NTM: variants seen among roughly 807,000 people sequenced by gnomAD.
NTM encodes IgLON family member 2.
In NTM, 13 loss-of-function variants were observed where a neutral mutation model predicts 42.1. That is an observed-to-expected ratio of 0.31 (90% CI 0.20 to 0.49). The LOEUF (loss-of-function observed/expected upper bound fraction) is 0.49. Among genes scored for constraint, NTM ranks in the 20% least tolerant of loss-of-function variants. The pLI is 0.99. For missense variants in NTM, 373 were observed against 452.8 expected (o/e 0.82, Z 1.60); for synonymous variants, 187 against 179.2 (o/e 1.04, Z -0.35).
intron 7 of NTM, among the ~76,000 whole-genome samples, chr11:132,319,209 G>GATTTCTGC (rs1355631678): frequency 6.6e-6 from 1 of 152,188 alleles, no homozygotes; most frequent in African/African-American, 2.4e-5. Flanking sequence ...AAAGACAGGT[G>GATTTCTGC]ATTTCTGCAT....
rs373724322 is a variant in NTM, at chr11:131,520,123, AG to A, written c.82+149236del. Among the ~76,000 whole-genome samples, 115 of 152,354 alleles carry A rather than the reference AG, an allele frequency of 7.5e-4. 1 individual carries two copies. In the East Asian group the frequency reaches 0.013, roughly 17 times the overall value. ...CTATCGTCGTCAACAGTTGCATTAT[AG>A]AATCTCCAGATAATAAAACATCACA... On this transcript the variant is annotated intron_variant, in intron 1 of 8. Coordinates refer to ENST00000683400, the MANE Select transcript of NTM (RefSeq NM_001352005.2).
At chr11:132,157,685 A>T (rs1036686867) in intron 3 of NTM, among the ~76,000 whole-genome samples, 1 of 152,098 alleles carries the variant, frequency 6.6e-6, no homozygotes, top group African/African-American at 2.4e-5. Flanking sequence ...TTTCTCCACT[A>T]TGTGTCTCAT....
At chr11:131,521,729 C>T (rs2049757721) in intron 1 of NTM, among the ~76,000 whole-genome samples, 5 of 152,212 alleles carry the variant, frequency 3.3e-5, no homozygotes, top group African/African-American at 9.6e-5. Flanking sequence ...CCCTCCCATA[C>T]TGAGGATCAC....
At chr11:131,397,970 G>A (rs1055198852) in intron 1 of NTM, among the ~76,000 whole-genome samples, 2 of 152,198 alleles carry the variant, frequency 1.3e-5, no homozygotes, top group Admixed American at 1.3e-4. Context: ...AGGACTGCAT[G>A]TCAAAAAGCT....
At chr11:132,092,103 C>G (rs146788347) in intron 2 of NTM, among the ~76,000 whole-genome samples, 1 of 152,184 alleles carries the variant, frequency 6.6e-6, no homozygotes, top group Admixed American at 6.5e-5. Flanking sequence ...TTCTCAGTAA[C>G]GCCATTTGAT....
chr11:131,774,043 T>C, intron 1 of NTM: 6 of 984,230 alleles, frequency 6.1e-6, no homozygotes, highest in Non-Finnish European at 7.2e-6. Context: ...CTTGGTGTCA[T>C]TGACTTTGCC....
chr11:131,921,051 G>A (rs555826810), intron 2 of NTM, among the ~76,000 whole-genome samples: 15 of 152,198 alleles, frequency 9.9e-5, no homozygotes, highest in Admixed American at 2.0e-4. Context: ...GAACGCATGC[G>A]AATTATTTTT....
intron 1 of NTM, among the ~76,000 whole-genome samples, chr11:131,790,404 ATGT>A (rs141874346): frequency 0.036 from 5,527 of 152,214 alleles, 342 homozygotes; most frequent in African/African-American, 0.13. Flanking sequence ...GATTCAGGTA[ATGT>A]TGTGAAATTA....
rs148043916 is a variant in NTM, at chr11:132,303,914, C to G, written c.527-3775C>G. 2.5e-3 allele frequency among the ~76,000 whole-genome samples: 384 copies of G among 152,154 alleles called. 2 individuals carry two copies. The highest frequency in any genetic ancestry group is 8.9e-3 in the African/African-American group (368 of 41,518). ...CTCCACGTGTTGTCTTTCACAGCAACCCTAGAAGTAGGTAACGTTATTCTG... is the reference window on the plus strand; with the variant it reads ...CTCCACGTGTTGTCTTTCACAGCAAGCCTAGAAGTAGGTAACGTTATTCTG... On this transcript the variant is annotated intron_variant, in intron 4 of 8. Coordinates refer to ENST00000683400, the MANE Select transcript of NTM (RefSeq NM_001352005.2).
At chr11:131,822,786 C>G (rs2093246474) in intron 1 of NTM, among the ~76,000 whole-genome samples, 1 of 151,990 alleles carries the variant, frequency 6.6e-6, no homozygotes, top group Admixed American at 6.6e-5. Context: ...CTTATGAAAA[C>G]AAAAGTGAGA....
At chr11:131,734,050 C>G (rs2135513418) in intron 1 of NTM, among the ~76,000 whole-genome samples, 1 of 152,290 alleles carries the variant, frequency 6.6e-6, no homozygotes, top group South Asian at 2.1e-4. Flanking sequence ...ACAATAGCAA[C>G]TGATGGCAGA....
At chr11:131,648,048 C>T (rs1255550511) in intron 1 of NTM, among the ~76,000 whole-genome samples, 1 of 152,106 alleles carries the variant, frequency 6.6e-6, no homozygotes, top group Non-Finnish European at 1.5e-5. Context: ...CTGTGGTTCC[C>T]TTCTTTGTGT....
intron 1 of NTM, among the ~76,000 whole-genome samples, chr11:131,529,082 T>G (rs1006983583): frequency 1.3e-5 from 2 of 152,200 alleles, no homozygotes; most frequent in African/African-American, 2.4e-5. Flanking sequence ...AGTCACCTCC[T>G]GGGCTATTGT....
chr11:132,164,227 G>A (rs969099276), intron 3 of NTM, among the ~76,000 whole-genome samples: 9 of 151,436 alleles, frequency 5.9e-5, no homozygotes, highest in African/African-American at 9.8e-5. Context: ...GGCTTTGTTT[G>A]TTGTTGTTGT....
chr11:131,629,548 ACT>A (rs1160713966), intron 1 of NTM, among the ~76,000 whole-genome samples: 9 of 152,066 alleles, frequency 5.9e-5, no homozygotes, highest in African/African-American at 1.9e-4. Flanking sequence ...AGAATGGAAC[ACT>A]CTGTTGCCTC....
chr11:131,956,140 G>A (rs113659923), intron 2 of NTM, among the ~76,000 whole-genome samples: 1 of 152,164 alleles, frequency 6.6e-6, no homozygotes, highest in Non-Finnish European at 1.5e-5. Flanking sequence ...ATTTACATTA[G>A]CCGCACTATA....
chr11:131,662,040 T>C (rs561861746), intron 1 of NTM: 2 of 152,350 alleles, frequency 1.3e-5, no homozygotes, highest in South Asian at 2.1e-4. Flanking sequence ...TTCAACACTA[T>C]GTCTAAGGTC....
chr11:132,200,889 G>A, intron 3 of NTM, among the ~76,000 whole-genome samples: 1 of 152,162 alleles, frequency 6.6e-6, no homozygotes, highest in East Asian at 1.9e-4. Context: ...AGGTTACCAT[G>A]ACCTATACAT....
At chr11:132,041,230 A>G (rs2077151849) in intron 2 of NTM, among the ~76,000 whole-genome samples, 1 of 90,194 alleles carries the variant, frequency 1.1e-5, no homozygotes. Flanking sequence ...AGAGAGATAG[A>G]TAGAGAGAGA....
Sources: allele counts gnomAD v4.1 joint callset (sites outside exome capture counted in the v4.1 genomes callset), GRCh38; gene constraint gnomAD v4.1.1; transcripts MANE v1.5; gene names NCBI Gene and HGNC (gene_info 2026-07-23, HGNC 2026-07-21).